Variants in VAMP7 observed in about 807,000 individuals in gnomAD.
VAMP7 encodes vesicle-associated membrane protein 7.
In VAMP7, 14 loss-of-function variants were observed where a neutral mutation model predicts 29.6. The observed-to-expected ratio is 0.47, with a 90% CI of 0.31 to 0.74. The LOEUF is 0.74. Among genes scored for constraint, VAMP7 ranks in the 30% least tolerant of loss-of-function variants. The pLI is 0.05. For missense variants in VAMP7, 223 were observed against 262.4 expected, an observed-to-expected ratio of 0.85 and a Z score of 1.04; for synonymous variants, 95 against 88.1, an observed-to-expected ratio of 1.08 and a Z score of -0.44.
intron 5 of VAMP7, among the ~76,000 whole-genome samples, chrX:155,902,737 T>C (rs1451814125): frequency 6.6e-6 from 1 of 151,494 alleles, no homozygotes; most frequent in Non-Finnish European, 1.5e-5. Context: ...TCATGGTGGA[T>C]AAGCTTTTTG....
At chrX:155,896,172 A>G (rs910047391) in intron 3 of VAMP7, among the ~76,000 whole-genome samples, 2 of 152,208 alleles carry the variant, frequency 1.3e-5, no homozygotes, top group African/African-American at 4.8e-5. Flanking sequence ...TAGAGCAGCA[A>G]ATGTTAAGAA....
At chrX:155,886,000 G>T (rs1275253967) in intron 1 of VAMP7, among the ~76,000 whole-genome samples, 1 of 152,164 alleles carries the variant, frequency 6.6e-6, no homozygotes, top group Non-Finnish European at 1.5e-5. Context: ...TGGGATGGTG[G>T]CTGTGGGACC....
intron 5 of VAMP7, among the ~76,000 whole-genome samples, chrX:155,909,820 A>G (rs1174578748): frequency 1.3e-5 from 2 of 152,204 alleles, no homozygotes; most frequent in South Asian, 2.1e-4. Context: ...TATTTAATTG[A>G]TACATAATAT....
intron 1 of VAMP7, among the ~76,000 whole-genome samples, chrX:155,887,390 A>C (rs769934530): frequency 6.6e-5 from 10 of 152,158 alleles, no homozygotes; most frequent in Admixed American, 5.2e-4. Flanking sequence ...GCAAGAAGAC[A>C]AAAAGAGCAG....
chrX:155,905,027 C>T (rs1320112862), intron 5 of VAMP7, among the ~76,000 whole-genome samples: 1 of 151,576 alleles, frequency 6.6e-6, no homozygotes, highest in South Asian at 2.1e-4. Context: ...AGTGACTGCA[C>T]CTTTATACAT....
At chrX:155,940,019 C>A (rs1347660542) in intron 7 of VAMP7, among the ~76,000 whole-genome samples, 7 of 151,972 alleles carry the variant, frequency 4.6e-5, no homozygotes, top group African/African-American at 1.7e-4. Flanking sequence ...AGGAAGAGAT[C>A]TATAAAACTG....
intron 6 of VAMP7, among the ~76,000 whole-genome samples, chrX:155,932,936 C>T (rs1161474281): frequency 1.3e-5 from 2 of 152,080 alleles, no homozygotes; most frequent in African/African-American, 2.4e-5. Flanking sequence ...TTGTCAAAGG[C>T]CTTTTCTGCA....
intron 6 of VAMP7, among the ~76,000 whole-genome samples, chrX:155,923,151 A>T (rs182838769): frequency 1.3e-5 from 2 of 152,112 alleles, no homozygotes; most frequent in East Asian, 3.9e-4. Flanking sequence ...TGTATTAAAA[A>T]CTTCATAATA....
At position 155,904,811 on chromosome X, in the gene VAMP7, ATCTAC is replaced by A. The variant is rs2066124509; in HGVS notation, c.433+4227_433+4231del. Among the ~76,000 whole-genome samples the A allele has an allele frequency of 2.0e-5, 3 of 151,614 alleles. No individual in the cohort carries two copies. The East Asian group carries it at 5.8e-4, about 29-fold the overall frequency. On this transcript the variant is annotated intron_variant, in intron 5 of 7. Transcript: ENST00000286448. Reference sequence around the variant, plus strand: ...TCCAATGCATTAATGCATTTTATGTATCTACTCATTAGTTCATGGTCTGGTTATTA... The same window carrying A: ...TCCAATGCATTAATGCATTTTATGTATCATTAGTTCATGGTCTGGTTATTA...
intron 6 of VAMP7, among the ~76,000 whole-genome samples, chrX:155,929,836 A>G (rs2066522428): frequency 1.3e-5 from 2 of 152,122 alleles, no homozygotes; most frequent in South Asian, 2.1e-4. Flanking sequence ...TATACAGTTT[A>G]CTCAAGTCCA....
rs1569454089 is a variant in VAMP7, at chrX:155,942,184, TTTTG to T, written c.*237_*240del. 6.5e-7 allele frequency: 1 copy of T among 1,534,756 alleles called. No homozygotes were observed. Among genetic ancestry groups the T allele is most frequent in the Non-Finnish European group, 8.8e-7 (1 of 1,139,550 alleles). On this transcript the variant is annotated 3_prime_UTR_variant, in exon 8 of 8. Coordinates refer to ENST00000286448, the MANE Select transcript of VAMP7 (RefSeq NM_005638.6). ...ATTGCAGCAGTAGCCTTAAAAAGGCTTTTGTTTATTTCTTTGGTTTGTTAACTAG... is the reference window on the plus strand; with the variant it reads ...ATTGCAGCAGTAGCCTTAAAAAGGCTTTTATTTCTTTGGTTTGTTAACTAG...
chrX:155,898,013 T>C, intron 3 of VAMP7, 99 bp from the exon 4 acceptor site: 2 of 1,433,282 alleles, frequency 1.4e-6, no homozygotes, highest in Non-Finnish European at 1.9e-6. Context: ...AGATAATCAT[T>C]GCTCAGTAAA....
intron 7 of VAMP7, among the ~76,000 whole-genome samples, chrX:155,941,501 TA>T (rs1191523758): frequency 2.0e-5 from 3 of 152,148 alleles, no homozygotes; most frequent in Admixed American, 2.0e-4. Context: ...GTGCAAAACC[TA>T]AAAATATAAT....
intron 5 of VAMP7, among the ~76,000 whole-genome samples, chrX:155,909,433 G>A (rs2066201796): frequency 6.6e-6 from 1 of 151,906 alleles, no homozygotes; most frequent in African/African-American, 2.4e-5. Flanking sequence ...CCAACTTCTG[G>A]TTTCATAGAT....
At chrX:155,939,949 C>T (rs1012224644) in intron 7 of VAMP7, among the ~76,000 whole-genome samples, 156 bp downstream of exon 7, 50 of 152,098 alleles carry the variant, frequency 3.3e-4, no homozygotes, top group African/African-American at 1.0e-3. Flanking sequence ...TATGAAGTCA[C>T]TATGAAATAT....
At position 155,939,760 on chromosome X, in the gene VAMP7, C is replaced by G; in HGVS notation, c.561C>G (p.Leu187=). The G allele has an allele frequency of 1.2e-6, 2 of 1,613,894 alleles. No homozygotes were observed. The highest frequency in any genetic ancestry group is 1.7e-6 in the Non-Finnish European group (2 of 1,179,842). The part of the protein sequence containing the change: ...NLARAMCMKN[L]KLTIIIIIVS... ...CTCGAGCCATGTGTATGAAGAACCTCAAGCTCACTATTATCATCATCATCG... is the reference window on the plus strand; with the variant it reads ...CTCGAGCCATGTGTATGAAGAACCTGAAGCTCACTATTATCATCATCATCG... Residue 187 remains leucine, a synonymous_variant, in exon 7 of 8, where the codon CTC becomes CTG. Transcript: ENST00000286448.
intron 6 of VAMP7, among the ~76,000 whole-genome samples, chrX:155,920,900 A>G (rs2066386175): frequency 1.3e-5 from 2 of 152,172 alleles, no homozygotes; most frequent in Non-Finnish European, 2.9e-5. Context: ...GTTTTCTAGG[A>G]GTTTATAAAC....
intron 6 of VAMP7, among the ~76,000 whole-genome samples, chrX:155,920,390 G>A (rs1336626711): frequency 1.3e-5 from 2 of 152,126 alleles, no homozygotes; most frequent in African/African-American, 2.4e-5. Flanking sequence ...CTATGGTTCC[G>A]TATGTCCTCA....
At chrX:155,890,757 A>G (rs1263429186) in intron 2 of VAMP7, among the ~76,000 whole-genome samples, 1 of 152,150 alleles carries the variant, frequency 6.6e-6, no homozygotes, top group Non-Finnish European at 1.5e-5. Flanking sequence ...AAGTGCCTCA[A>G]CCTTCCCCGT....
Sources: allele counts gnomAD v4.1 joint callset (sites outside exome capture counted in the v4.1 genomes callset), GRCh38; gene constraint gnomAD v4.1.1; transcripts MANE v1.5; gene names NCBI Gene and HGNC (gene_info 2026-07-23, HGNC 2026-07-21).